FOCAD: variants seen among roughly 807,000 people sequenced by gnomAD.
FOCAD encodes the protein KIAA1797.
A neutral mutation model predicts 225.6 loss-of-function variants in FOCAD; 198 were observed. The ratio of observed to expected loss-of-function variants is 0.88; its 90% CI spans 0.78 to 0.99. The LOEUF is 0.99. Among genes scored for constraint, FOCAD ranks in the 50% least tolerant of loss-of-function variants. FOCAD has a pLI of 0.00. For missense variants in FOCAD, 2,713 were observed against 2,123.6 expected (o/e 1.28, Z -5.46); for synonymous variants, 897 against 755.0 (o/e 1.19, Z -3.08).
intron 11 of FOCAD, among the ~76,000 whole-genome samples, chr9:20,799,550 A>G (rs550736733): frequency 6.6e-6 from 1 of 152,258 alleles, no homozygotes; most frequent in African/African-American, 2.4e-5. Flanking sequence ...GTGCATATAT[A>G]TTTAGGATAG....
intron 28 of FOCAD, among the ~76,000 whole-genome samples, chr9:20,933,592 A>G (rs909461236): frequency 6.6e-6 from 1 of 151,928 alleles, no homozygotes; most frequent in Non-Finnish European, 1.5e-5. Context: ...TGTGTGTATC[A>G]CAGTTTCTTT....
chr9:20,675,877 C>G (rs543358543), intron 2 of FOCAD, among the ~76,000 whole-genome samples: 13 of 152,250 alleles, frequency 8.5e-5, no homozygotes, highest in African/African-American at 3.1e-4. Flanking sequence ...CAGGTATTAC[C>G]AATAGTGCTC....
rs190991646 is a variant in FOCAD, at chr9:20,661,866, A to G, written c.-78+3040A>G. On this transcript the variant is annotated intron_variant, in intron 2 of 45. Transcript: ENST00000380249. ...GGGCAAAAGCACCACTGTTATTAGT[A>G]AAAGCTTGGAAACCTCTGAAATGGC... Among the ~76,000 whole-genome samples, 278 of 152,332 alleles carry G rather than the reference A, an allele frequency of 1.8e-3. 1 individual carries two copies. The highest frequency in any genetic ancestry group is 6.5e-3 in the African/African-American group (269 of 41,578).
At chr9:20,890,252 G>T (rs1187187525) in intron 21 of FOCAD, among the ~76,000 whole-genome samples, 1 of 151,392 alleles carries the variant, frequency 6.6e-6, no homozygotes, top group South Asian at 2.1e-4. Context: ...TTCTTGTCTC[G>T]TTCACTTAGG....
chr9:20,862,477 G>A (rs921573438), intron 15 of FOCAD, 101 bp from the exon 16 acceptor site: 1 of 1,322,628 alleles, frequency 7.6e-7, no homozygotes, highest in Non-Finnish European at 1.0e-6. Flanking sequence ...AGTCTTATTT[G>A]TTTCTTAAGT....
At chr9:20,764,736 A>G in intron 6 of FOCAD, 133 bp from the exon 7 acceptor site, 1 of 718,538 alleles carries the variant, frequency 1.4e-6, no homozygotes, top group Non-Finnish European at 2.3e-6. Context: ...GAATAGAAGA[A>G]TCATAAAAAG....
chr9:20,670,173 G>A (rs1053536103), intron 2 of FOCAD, among the ~76,000 whole-genome samples: 1 of 152,134 alleles, frequency 6.6e-6, no homozygotes, highest in African/African-American at 2.4e-5. Flanking sequence ...AAGGCCTGGT[G>A]CACAGTAAGT....
chr9:20,771,512 A>C (rs1818225690), intron 8 of FOCAD, among the ~76,000 whole-genome samples: 1 of 152,186 alleles, frequency 6.6e-6, no homozygotes, highest in Non-Finnish European at 1.5e-5. Flanking sequence ...TAATCCCAGC[A>C]CTTTGGGAGG....
intron 26 of FOCAD, 96 bp from the exon 27 acceptor site, chr9:20,929,262 T>C (rs1835240088): frequency 1.1e-6 from 1 of 918,220 alleles, no homozygotes; most frequent in African/African-American, 1.7e-5. Context: ...GGGGTGGATC[T>C]AAGAGAAGCT....
chr9:20,874,527 G>C (rs894719642), intron 18 of FOCAD, 154 bp from the exon 19 acceptor site: 1 of 686,254 alleles, frequency 1.5e-6, no homozygotes, highest in East Asian at 2.9e-5. Context: ...AAAATGAATA[G>C]ATTTTTAAAA....
chr9:20,828,323 A>G (rs981096055), intron 15 of FOCAD, among the ~76,000 whole-genome samples: 1 of 152,080 alleles, frequency 6.6e-6, no homozygotes, highest in East Asian at 1.9e-4. Flanking sequence ...ACAATAGAAT[A>G]TATATTTAGA....
chr9:20,854,275 G>C (rs1564074327), intron 15 of FOCAD, among the ~76,000 whole-genome samples: 1 of 151,620 alleles, frequency 6.6e-6, no homozygotes, highest in East Asian at 1.9e-4. Context: ...AGAAGGAAAG[G>C]CTCTGATTCT....
chr9:20,986,248 T>A, intron 39 of FOCAD, 40 bp from the exon 40 acceptor site: 1 of 1,425,340 alleles, frequency 7.0e-7, no homozygotes, highest in African/African-American at 1.5e-5. Context: ...CTTCAGTTAA[T>A]TTAATAGTAA....
chr9:20,993,405 T>C (rs1841829808), intron 43 of FOCAD, 77 bp downstream of exon 43: 1 of 1,229,070 alleles, frequency 8.1e-7, no homozygotes, highest in Non-Finnish European at 1.2e-6. Context: ...GGCATTCTAG[T>C]GGTTGCAGGT....
At chr9:20,874,379 A>G (rs1830050969) in intron 18 of FOCAD, 1 of 220,056 alleles carries the variant, frequency 4.5e-6, no homozygotes, top group East Asian at 1.3e-4. Flanking sequence ...TGGATGGTAT[A>G]GAATTTTATT....
chr9:20,976,226 A>C, intron 35 of FOCAD, 194 bp from the exon 36 acceptor site: 1 of 346,314 alleles, frequency 2.9e-6, no homozygotes, highest in East Asian at 4.9e-5. Flanking sequence ...TTTTTTAAAA[A>C]GAGAAGAACA....
intron 6 of FOCAD, among the ~76,000 whole-genome samples, chr9:20,764,275 G>C (rs1348149046): frequency 1.3e-5 from 2 of 151,974 alleles, no homozygotes; most frequent in African/African-American, 2.4e-5. Flanking sequence ...TTTTTTTTAA[G>C]ATGGAGTCTC....
At chr9:20,879,419 G>A (rs1490435446) in intron 19 of FOCAD, among the ~76,000 whole-genome samples, 5 of 152,142 alleles carry the variant, frequency 3.3e-5, no homozygotes, top group African/African-American at 1.2e-4. Context: ...CAGCATTTGG[G>A]ATTATGGTGT....
At chr9:20,716,373 A>G (rs115523831) in intron 2 of FOCAD, among the ~76,000 whole-genome samples, 156 of 152,160 alleles carry the variant, frequency 1.0e-3, no homozygotes, top group African/African-American at 3.6e-3. Context: ...TTAGTGTAGG[A>G]TGGCTATTTG....
Sources: allele counts gnomAD v4.1 joint callset (sites outside exome capture counted in the v4.1 genomes callset), GRCh38; gene constraint gnomAD v4.1.1; transcripts MANE v1.5; gene names NCBI Gene and HGNC (gene_info 2026-07-23, HGNC 2026-07-21).